ANKHD1: variants seen among roughly 807,000 people sequenced by gnomAD.
ANKHD1 encodes the protein ankyrin repeat and KH domain-containing protein 1.
ANKHD1 carries 31 observed loss-of-function variants against 230.5 expected under a neutral mutation model. The observed-to-expected ratio is 0.13, with a 90% CI of 0.10 to 0.18. The LOEUF (loss-of-function observed/expected upper bound fraction) is 0.18. ANKHD1 is among the 10% of genes least tolerant of loss of function. The pLI, the probability that ANKHD1 is intolerant of heterozygous loss-of-function variation, is 1.00. For synonymous variants in ANKHD1, 1,074 were observed against 1,117.6 expected, an observed-to-expected ratio of 0.96 and a Z score of 0.78; for missense variants, 2,256 against 3,071.3, an observed-to-expected ratio of 0.73 and a Z score of 6.27.
In ANKHD1 at chr5:140,459,246, A is replaced by G. The variant is rs1410192693; in HGVS notation, c.1563A>G (p.Ala521=). The change falls in exon 9 of 34, where the codon GCA becomes GCG. Residue 521 remains alanine, a synonymous_variant. Coordinates refer to ENST00000360839, the MANE Select transcript of ANKHD1 (RefSeq NM_017747.3). The part of the protein sequence containing the change: ...LACCGGFSEV[A]DFLIKAGADI... ...GCTGTGGAGGATTTTCTGAAGTTGCAGACTTTCTTATTAAGGCAGGGGCTG... is the reference window on the plus strand; with the variant it reads ...GCTGTGGAGGATTTTCTGAAGTTGCGGACTTTCTTATTAAGGCAGGGGCTG... 1.2e-6 allele frequency: 2 copies of G among 1,603,340 alleles called. No individual in the cohort carries two copies. The highest frequency in any genetic ancestry group is 1.7e-6 in the Non-Finnish European group (2 of 1,172,524).
At position 140,509,773 on chromosome 5, in the gene ANKHD1, A is replaced by T; in HGVS notation, c.3902A>T (p.Asp1301Val). The change falls in exon 21 of 34, where the codon GAC becomes GTC. Residue 1301 changes from aspartate to valine, a missense_variant. Asp to Val is a radical substitution (Grantham distance 152). Coordinates refer to ENST00000360839, the MANE Select transcript of ANKHD1 (RefSeq NM_017747.3). ...SRDTALTIAA[D>V]KGHYKFCELL... is the part of the protein sequence containing the mutation. ...GATACTGCTTTAACAATAGCAGCAG[A>T]CAAAGGTCACTACAAATTTTGTGAA... 6.2e-7 allele frequency: 1 copy of T among 1,612,358 alleles called. No individual in the cohort carries two copies. Among genetic ancestry groups the T allele is most frequent in the Non-Finnish European group, 8.5e-7 (1 of 1,179,642 alleles).
At chr5:140,478,017 AC>A (rs1214416137) in intron 10 of ANKHD1, among the ~76,000 whole-genome samples, 2 of 152,206 alleles carry the variant, frequency 1.3e-5, no homozygotes, top group African/African-American at 2.4e-5. Context: ...GGGAGAATAT[AC>A]CTAAAGTTGT....
At chr5:140,494,792 TA>T (rs1259518391) in intron 14 of ANKHD1, among the ~76,000 whole-genome samples, 2 of 152,208 alleles carry the variant, frequency 1.3e-5, no homozygotes, top group African/African-American at 4.8e-5. Context: ...GATTTTATTT[TA>T]AAAATTCCCA....
chr5:140,484,534 A>T lies in ANKHD1; in HGVS notation c.1871-587A>T, dbSNP rs908895269. On this transcript the variant is annotated intron_variant, in intron 11 of 33. Transcript: ENST00000360839. The stretch of plus-strand genomic sequence containing the variant: ...ATTATATATCTCTTAAACATTGCTT[A>T]AAAAAATCTGTTTTCTTTACTTTGA... Among the ~76,000 whole-genome samples the T allele has an allele frequency of 2.0e-5, 3 of 152,290 alleles. No homozygotes were observed. The South Asian group carries it at 6.2e-4, about 32-fold the overall frequency.
intron 10 of ANKHD1, among the ~76,000 whole-genome samples, chr5:140,476,345 G>T (rs928978822): frequency 1.3e-5 from 2 of 152,032 alleles, no homozygotes; most frequent in African/African-American, 4.8e-5. Flanking sequence ...GAATTTTCTA[G>T]CATTGTGACT....
chr5:140,441,721 G>T (rs1773860781), intron 5 of ANKHD1, among the ~76,000 whole-genome samples: 1 of 152,090 alleles, frequency 6.6e-6, no homozygotes. Context: ...ATTAATAATA[G>T]TGTATTATAT....
At chr5:140,458,945 C>CAT (rs540544442) in intron 8 of ANKHD1, 83 bp downstream of exon 8, 2,389 of 83,536 alleles carry the variant, frequency 0.029, 130 homozygotes, top group Admixed American at 0.037. Context: ...CTACAGCTAG[C>CAT]ATATATATAT....
rs558384345 is a variant in ANKHD1, at chr5:140,456,910, G to A, written c.1243-1715G>A. Among the ~76,000 whole-genome samples, 7 of 152,240 alleles carry A rather than the reference G, an allele frequency of 4.6e-5. No individual in the cohort carries two copies. The East Asian group carries it at 1.4e-3, about 29-fold the overall frequency. On this transcript the variant is annotated intron_variant, in intron 7 of 33. Transcript: ENST00000360839. The stretch of plus-strand genomic sequence containing the variant: ...CACAGCAAAAGAAACTACCATCAGA[G>A]GGAACAGGCAACCTACAGAATGGGA...
intron 24 of ANKHD1, among the ~76,000 whole-genome samples, chr5:140,518,335 T>A (rs1385985606): frequency 6.6e-6 from 1 of 152,118 alleles, no homozygotes; most frequent in African/African-American, 2.4e-5. Flanking sequence ...CCAGATGGAT[T>A]CACAGCCGAA....
At position 140,514,954 on chromosome 5, in the gene ANKHD1, G is replaced by A. The variant is rs917167802; in HGVS notation, c.4317+1475G>A. 2.0e-5 allele frequency among the ~76,000 whole-genome samples: 3 copies of A among 148,894 alleles called. No individual in the cohort carries two copies. The Admixed American group carries it at 2.0e-4, about 10-fold the overall frequency. ...GCAATGAGCCACTGCACTCCAGCCT[G>A]GGTGACAGAGCAAGACCCTGTCTCA... On this transcript the variant is annotated intron_variant, in intron 24 of 33. Transcript: ENST00000360839.
intron 29 of ANKHD1, among the ~76,000 whole-genome samples, chr5:140,532,586 G>A (rs866741624): frequency 5.7e-4 from 86 of 152,204 alleles, no homozygotes; most frequent in African/African-American, 2.0e-3. Context: ...GCGGGTGTGA[G>A]CCACCATGCC....
chr5:140,436,503 T>G (rs1773454611), intron 2 of ANKHD1, among the ~76,000 whole-genome samples: 1 of 152,156 alleles, frequency 6.6e-6, no homozygotes, highest in Non-Finnish European at 1.5e-5. Flanking sequence ...CCCAGCACTT[T>G]GGGAGGCTGA....
chr5:140,435,381 C>CTT (rs571779859), intron 1 of ANKHD1, among the ~76,000 whole-genome samples: 1 of 140,028 alleles, frequency 7.1e-6, no homozygotes, highest in Non-Finnish European at 1.6e-5. Flanking sequence ...AAAGTAAATG[C>CTT]TTTTTTTTTT....
At chr5:140,509,847 T>A (rs1752684455) in intron 21 of ANKHD1, 35 bp downstream of exon 21, 2 of 1,582,798 alleles carry the variant, frequency 1.3e-6, no homozygotes, top group East Asian at 4.5e-5. Flanking sequence ...GAACTTCTCA[T>A]GGTCATTTTC....
chr5:140,451,188 C>T lies in ANKHD1; in HGVS notation c.1242+1883C>T, dbSNP rs182133249. On this transcript the variant is annotated intron_variant, in intron 7 of 33. Transcript: ENST00000360839. ...CAAAACAAAACAAAACAAAAAACTT[C>T]AAAAATTCAAGTAAATTCAAGTAAA... Among the ~76,000 whole-genome samples the T allele has an allele frequency of 5.0e-3, 756 of 151,678 alleles. 6 individuals are homozygous for T. The highest frequency in any genetic ancestry group is 0.017 in the African/African-American group (718 of 41,130).
intron 22 of ANKHD1, among the ~76,000 whole-genome samples, chr5:140,511,423 CCT>C (rs1426280224): frequency 3.3e-5 from 5 of 152,214 alleles, no homozygotes; most frequent in African/African-American, 1.2e-4. Context: ...ACCTAGCTCA[CCT>C]CTCTACTCAT....
chr5:140,449,466 C>A (rs1774536673), intron 7 of ANKHD1, among the ~76,000 whole-genome samples, 161 bp downstream of exon 7: 1 of 152,066 alleles, frequency 6.6e-6, no homozygotes, highest in African/African-American at 2.4e-5. Context: ...AGTTCGAGAC[C>A]AGCCTGGCCA....
intron 7 of ANKHD1, among the ~76,000 whole-genome samples, chr5:140,455,712 T>C (rs1025448293): frequency 4.6e-5 from 7 of 152,102 alleles, no homozygotes; most frequent in Admixed American, 3.9e-4. Flanking sequence ...ATGGGACATA[T>C]CTCAAAATAA....
chr5:140,500,300 A>G (rs1752230026), intron 15 of ANKHD1, among the ~76,000 whole-genome samples: 1 of 152,176 alleles, frequency 6.6e-6, no homozygotes, highest in African/African-American at 2.4e-5. Context: ...TTCATGGGCT[A>G]ATTATAATAA....
Sources: allele counts gnomAD v4.1 joint callset (sites outside exome capture counted in the v4.1 genomes callset), GRCh38; gene constraint gnomAD v4.1.1; transcripts MANE v1.5; gene names NCBI Gene and HGNC (gene_info 2026-07-23, HGNC 2026-07-21).